The following PDE8B variants were observed in gnomAD, a reference collection of about 807,000 sequenced individuals.
The protein encoded by PDE8B is phosphodiesterase 8B, also known as high affinity cAMP-specific and IBMX-insensitive 3',5'-cyclic phosphodiesterase 8B.
Under a neutral mutation model 101.3 loss-of-function variants are expected in PDE8B, and 26 were observed. That is an observed-to-expected ratio of 0.26 (90% CI 0.19 to 0.36). The LOEUF (loss-of-function observed/expected upper bound fraction) is 0.36, where lower values mean the gene tolerates loss of function less well. PDE8B is among the 10% of genes least tolerant of loss of function. PDE8B has a pLI of 1.00. For missense variants in PDE8B, 810 were observed against 1,163.1 expected (o/e 0.70, Z 4.42); for synonymous variants, 424 against 429.3 (o/e 0.99, Z 0.15).
chr5:77,383,715 C>A (rs1279787012), intron 10 of PDE8B, among the ~76,000 whole-genome samples: 1 of 152,142 alleles, frequency 6.6e-6, no homozygotes, highest in Admixed American at 6.5e-5. Context: ...CCAGTTTTCC[C>A]GACCTCATTT....
intron 1 of PDE8B, among the ~76,000 whole-genome samples, chr5:77,264,037 A>G (rs1402445404): frequency 2.6e-5 from 4 of 152,190 alleles, no homozygotes; most frequent in Admixed American, 2.6e-4. Context: ...CTCATGCAGT[A>G]CGTGCGTCTT....
chr5:77,359,981 C>T (rs1308043072), intron 10 of PDE8B, among the ~76,000 whole-genome samples: 1 of 151,560 alleles, frequency 6.6e-6, no homozygotes, highest in East Asian at 1.9e-4. Context: ...ATCCCAGCTA[C>T]TTGGGAGGCT....
chr5:77,330,273 G>A (rs1043014072), intron 4 of PDE8B, among the ~76,000 whole-genome samples: 1 of 152,060 alleles, frequency 6.6e-6, no homozygotes, highest in Non-Finnish European at 1.5e-5. Flanking sequence ...CTATTACACG[G>A]GTCCAAGAAC....
At chr5:77,358,442 T>C in intron 10 of PDE8B, 2 of 985,404 alleles carry the variant, frequency 2.0e-6, no homozygotes, top group Non-Finnish European at 2.4e-6. Context: ...TCATTAATCT[T>C]ATGCTGCTTT....
chr5:77,117,946 GT>G, the PDE8B span, among the ~76,000 whole-genome samples: 2 of 151,942 alleles, frequency 1.3e-5, no homozygotes, highest in Admixed American at 1.3e-4. Flanking sequence ...GGTGGTGGTT[GT>G]TTTTTGAGAC....
the PDE8B span, chr5:77,092,614 A>G: frequency 2.6e-5 from 4 of 152,220 alleles, no homozygotes; most frequent in Non-Finnish European, 5.9e-5. Flanking sequence ...GAAATCTGCT[A>G]TCAGAAACCC....
the PDE8B span, among the ~76,000 whole-genome samples, chr5:77,150,705 G>C: frequency 2.6e-5 from 4 of 152,128 alleles, no homozygotes; most frequent in African/African-American, 9.7e-5. Context: ...GATATAAGAG[G>C]ACCAAAGGAG....
At chr5:77,412,377 G>GA in intron 16 of PDE8B, 142 bp downstream of exon 16, 1 of 799,258 alleles carries the variant, frequency 1.3e-6, no homozygotes. Flanking sequence ...GAGTAGTGTT[G>GA]AATGAGCAGA....
At chr5:77,118,679 G>A in the PDE8B span, 1 of 294,838 alleles carries the variant, frequency 3.4e-6, no homozygotes, top group Non-Finnish European at 6.2e-6. Context: ...CATGGGAAAG[G>A]ATATAAAAAT....
At chr5:77,306,849 A>G (rs929980331) in intron 1 of PDE8B, among the ~76,000 whole-genome samples, 1 of 152,096 alleles carries the variant, frequency 6.6e-6, no homozygotes, top group African/African-American at 2.4e-5. Flanking sequence ...TTCCCTTTCT[A>G]TTGAAGTGAA....
chr5:77,262,843 G>A (rs1302269590), intron 1 of PDE8B, among the ~76,000 whole-genome samples: 4 of 152,164 alleles, frequency 2.6e-5, no homozygotes, highest in African/African-American at 9.7e-5. Flanking sequence ...GCTTTGTTTA[G>A]GACTGGGAGC....
At chr5:77,277,245 T>C (rs997010990) in intron 1 of PDE8B, among the ~76,000 whole-genome samples, 7 of 152,226 alleles carry the variant, frequency 4.6e-5, no homozygotes, top group Non-Finnish European at 5.9e-5. Context: ...TATAAAGCCA[T>C]CTTTGTAAGA....
At chr5:77,172,556 T>A in the PDE8B span, among the ~76,000 whole-genome samples, 4 of 152,204 alleles carry the variant, frequency 2.6e-5, no homozygotes, top group Admixed American at 1.3e-4. Flanking sequence ...AACTAGTCAC[T>A]TAAAAGAGCA....
At chr5:77,104,145 G>A in the PDE8B span, among the ~76,000 whole-genome samples, 135 of 152,268 alleles carry the variant, frequency 8.9e-4, no homozygotes, top group Middle Eastern at 3.4e-3. Context: ...CATAGAGCAG[G>A]CCCCTTTAGC....
chr5:77,334,013 G>A (rs915051648), intron 5 of PDE8B, among the ~76,000 whole-genome samples: 1 of 152,242 alleles, frequency 6.6e-6, no homozygotes, highest in Non-Finnish European at 1.5e-5. Flanking sequence ...GAAGCACGCT[G>A]CACCTACAAC....
At chr5:77,376,647 C>G (rs893881411) in intron 10 of PDE8B, among the ~76,000 whole-genome samples, 13 of 152,092 alleles carry the variant, frequency 8.5e-5, no homozygotes, top group African/African-American at 2.9e-4. Context: ...AAAATGTAAA[C>G]AAAGTTCTAA....
the PDE8B span, among the ~76,000 whole-genome samples, chr5:77,191,685 A>G: frequency 1.3e-5 from 2 of 152,126 alleles, no homozygotes; most frequent in South Asian, 2.1e-4. Flanking sequence ...GCGGTCCCCA[A>G]CCTTTTTGGC....
chr5:77,194,693 A>T, the PDE8B span, among the ~76,000 whole-genome samples: 2 of 152,332 alleles, frequency 1.3e-5, no homozygotes, highest in East Asian at 1.9e-4. Flanking sequence ...TGGAATCATA[A>T]TAGTGGCCTT....
At chr5:77,089,092 A>G in the PDE8B span, among the ~76,000 whole-genome samples, 2 of 152,026 alleles carry the variant, frequency 1.3e-5, no homozygotes, top group Non-Finnish European at 2.9e-5. Flanking sequence ...TACCCTTTGT[A>G]CCCTGTTAGG....
Sources: gnomAD v4.1 joint callset for allele counts (sites outside exome capture counted in the v4.1 genomes callset) on GRCh38, gnomAD v4.1.1 for gene constraint, MANE v1.5 for transcripts, NCBI Gene and HGNC (gene_info 2026-07-23, HGNC 2026-07-21) for gene names.